Variants in ADAMTS3 observed in about 807,000 individuals in gnomAD.
ADAMTS3 encodes the protein A disintegrin and metalloproteinase with thrombospondin motifs 3.
ADAMTS3 carries 73 observed loss-of-function variants against 129.0 expected under a neutral mutation model. The ratio of observed to expected loss-of-function variants is 0.57; its 90% CI spans 0.47 to 0.69. ADAMTS3 has a LOEUF of 0.69. Among genes scored for constraint, ADAMTS3 ranks in the 30% least tolerant of loss-of-function variants. The pLI is 0.00. For missense variants in ADAMTS3, 1,457 were observed against 1,514.5 expected, an observed-to-expected ratio of 0.96 and a Z score of 0.63; for synonymous variants, 477 against 510.8, an observed-to-expected ratio of 0.93 and a Z score of 0.89.
chr4:72,348,207 C>G (rs767107919), intron 4 of ADAMTS3, among the ~76,000 whole-genome samples: 3 of 151,906 alleles, frequency 2.0e-5, no homozygotes, highest in Non-Finnish European at 4.4e-5. Context: ...GAACTTACAT[C>G]CCAGTGATAA....
intron 3 of ADAMTS3, among the ~76,000 whole-genome samples, chr4:72,445,853 T>C (rs576299564): frequency 3.5e-4 from 53 of 151,864 alleles, no homozygotes; most frequent in African/African-American, 1.1e-3. Context: ...CAGTTAAATA[T>C]AATAATTCGA....
intron 3 of ADAMTS3, among the ~76,000 whole-genome samples, chr4:72,515,780 G>T (rs1208362079): frequency 6.6e-6 from 1 of 151,732 alleles, no homozygotes; most frequent in Non-Finnish European, 1.5e-5. Flanking sequence ...CTCCCATTTT[G>T]TAGGTTGCCT....
chr4:72,292,920 G>A (rs1201306370), intron 19 of ADAMTS3, among the ~76,000 whole-genome samples: 2 of 152,120 alleles, frequency 1.3e-5, no homozygotes, highest in Non-Finnish European at 2.9e-5. Flanking sequence ...CTTCAGTGAT[G>A]ACTCTCTTTT....
chr4:72,346,585 C>T (rs1002947083), intron 4 of ADAMTS3, among the ~76,000 whole-genome samples: 4 of 151,992 alleles, frequency 2.6e-5, no homozygotes, highest in Non-Finnish European at 4.4e-5. Flanking sequence ...ATTGCTGAAA[C>T]ATTTGGGTGT....
intron 3 of ADAMTS3, among the ~76,000 whole-genome samples, chr4:72,434,644 C>T (rs137907260): frequency 6.6e-6 from 1 of 151,860 alleles, no homozygotes; most frequent in East Asian, 2.0e-4. Flanking sequence ...AAATGTCATG[C>T]CCATGATTAG....
chr4:72,376,665 G>C (rs189531248), intron 4 of ADAMTS3, among the ~76,000 whole-genome samples: 213 of 152,264 alleles, frequency 1.4e-3, no homozygotes, highest in African/African-American at 4.9e-3. Flanking sequence ...ACTAGTTCTA[G>C]GTGATGATGA....
chr4:72,299,069 G>A (rs1352808788), intron 17 of ADAMTS3, among the ~76,000 whole-genome samples: 1 of 146,310 alleles, frequency 6.8e-6, no homozygotes, highest in Non-Finnish European at 1.5e-5. Context: ...GTGTGTGTGT[G>A]TGTGTGTGTG....
chr4:72,323,192 G>T, intron 5 of ADAMTS3, 95 bp from the exon 6 acceptor site: 1 of 880,016 alleles, frequency 1.1e-6, no homozygotes, highest in Non-Finnish European at 1.8e-6. Context: ...AAATAGGTGA[G>T]TAAATTGCTG....
chr4:72,321,724 T>C (rs79655469), intron 6 of ADAMTS3, among the ~76,000 whole-genome samples: 3,195 of 152,232 alleles, frequency 0.021, 114 homozygotes, highest in African/African-American at 0.073. Context: ...GCTGATGAAA[T>C]CTTAGTCTAT....
chr4:72,410,160 C>T (rs1405720425), intron 4 of ADAMTS3, among the ~76,000 whole-genome samples: 1 of 152,092 alleles, frequency 6.6e-6, no homozygotes, highest in Non-Finnish European at 1.5e-5. Flanking sequence ...TATATACTGA[C>T]ATGTCTACAG....
At chr4:72,453,175 G>A (rs1718454599) in intron 3 of ADAMTS3, among the ~76,000 whole-genome samples, 1 of 151,686 alleles carries the variant, frequency 6.6e-6, no homozygotes, top group Non-Finnish European at 1.5e-5. Flanking sequence ...AAAAAACATA[G>A]AGAAATTCTG....
chr4:72,499,225 C>T (rs1045023688), intron 3 of ADAMTS3, among the ~76,000 whole-genome samples: 1 of 152,166 alleles, frequency 6.6e-6, no homozygotes, highest in Non-Finnish European at 1.5e-5. Flanking sequence ...TAAGAAATTT[C>T]TTCCCATTAT....
chr4:72,502,824 C>A (rs1017122658), intron 3 of ADAMTS3, among the ~76,000 whole-genome samples: 2 of 152,008 alleles, frequency 1.3e-5, no homozygotes, highest in Admixed American at 1.3e-4. Flanking sequence ...CACCCATCAA[C>A]CCATCACCTA....
chr4:72,514,515 C>G (rs533602018), intron 3 of ADAMTS3, among the ~76,000 whole-genome samples: 1 of 152,232 alleles, frequency 6.6e-6, no homozygotes, highest in Non-Finnish European at 1.5e-5. Context: ...AACTCTCTCG[C>G]AGAAGTTTTG....
At chr4:72,534,978 G>A (rs1376991137) in intron 3 of ADAMTS3, among the ~76,000 whole-genome samples, 1 of 152,102 alleles carries the variant, frequency 6.6e-6, no homozygotes, top group African/African-American at 2.4e-5. Context: ...ATTTTTATAT[G>A]CTAAGTCTAG....
chr4:72,509,493 G>A (rs530682715), intron 3 of ADAMTS3, among the ~76,000 whole-genome samples: 1 of 151,910 alleles, frequency 6.6e-6, no homozygotes, highest in South Asian at 2.1e-4. Context: ...GAGCAACTAT[G>A]TGCCAATAAA....
chr4:72,521,005 T>C (rs1720657806), intron 3 of ADAMTS3, among the ~76,000 whole-genome samples: 1 of 148,582 alleles, frequency 6.7e-6, no homozygotes, highest in African/African-American at 2.4e-5. Context: ...CTTTTTTTCT[T>C]TTTTTTTTTT....
At chr4:72,534,510 T>C (rs905774821) in intron 3 of ADAMTS3, among the ~76,000 whole-genome samples, 8 of 152,182 alleles carry the variant, frequency 5.3e-5, no homozygotes, top group Non-Finnish European at 4.4e-5. Context: ...TATGAATAAG[T>C]TGTTTTATTG....
intron 3 of ADAMTS3, among the ~76,000 whole-genome samples, chr4:72,529,059 T>G (rs111333137): frequency 0.012 from 1,788 of 152,204 alleles, 43 homozygotes; most frequent in African/African-American, 0.041. Context: ...TCTGAGGAAA[T>G]ATAATTTAAA....
Sources: allele counts gnomAD v4.1 joint callset (sites outside exome capture counted in the v4.1 genomes callset), GRCh38; gene constraint gnomAD v4.1.1; transcripts MANE v1.5; gene names NCBI Gene and HGNC (gene_info 2026-07-23, HGNC 2026-07-21).